ATP13A4: variants seen among roughly 807,000 people sequenced by gnomAD.
The protein encoded by ATP13A4 is probable cation-transporting ATPase 13A4.
A neutral mutation model predicts 142.5 loss-of-function variants in ATP13A4; 114 were observed. That is an observed-to-expected ratio of 0.80 (90% confidence interval 0.69 to 0.93). The LOEUF is 0.93. ATP13A4 is among the 40% of genes least tolerant of loss of function. The pLI, the probability that ATP13A4 is intolerant of heterozygous loss-of-function variation, is 0.00. For missense variants in ATP13A4, 1,392 were observed against 1,454.0 expected (o/e 0.96, Z 0.69); for synonymous variants, 488 against 514.8 (o/e 0.95, Z 0.70).
intron 2 of ATP13A4, among the ~76,000 whole-genome samples, chr3:193,508,570 T>G (rs1034955046): frequency 6.6e-6 from 1 of 152,218 alleles, no homozygotes; most frequent in African/African-American, 2.4e-5. Context: ...GTAATATAAA[T>G]GGCCCTGTAT....
chr3:193,441,688 T>C (rs1404660420), intron 19 of ATP13A4, 100 bp from the exon 20 acceptor site: 2 of 1,428,228 alleles, frequency 1.4e-6, no homozygotes, highest in Non-Finnish European at 2.0e-6. Context: ...GACCAGGATC[T>C]ATCTGTAAAA....
chr3:193,561,031 T>G (rs1401983536), intron 2 of ATP13A4, among the ~76,000 whole-genome samples: 2 of 151,934 alleles, frequency 1.3e-5, no homozygotes, highest in East Asian at 3.9e-4. Flanking sequence ...CAATTCCGAG[T>G]GGGAGCCTGG....
intron 2 of ATP13A4, among the ~76,000 whole-genome samples, chr3:193,569,647 C>G (rs28781318): frequency 6.6e-6 from 1 of 151,912 alleles, no homozygotes; most frequent in Non-Finnish European, 1.5e-5. Context: ...CCCATCTCAG[C>G]CTCCCAAGTA....
At chr3:193,573,292 C>CTTATATATATATATGT (rs1553862256) in intron 2 of ATP13A4, among the ~76,000 whole-genome samples, 1 of 107,888 alleles carries the variant, frequency 9.3e-6, no homozygotes, top group African/African-American at 4.6e-5. Context: ...TATATATACA[C>CTTATATATATATATGT]ATATATATAT....
In ATP13A4 at chr3:193,476,366, C is replaced by A. The variant is rs138568812; in HGVS notation, c.809-5373G>T. On this transcript the variant is annotated intron_variant, in intron 8 of 29. Coordinates refer to ENST00000342695, the MANE Select transcript of ATP13A4 (RefSeq NM_032279.4). ...TCTGTAGTTTTCTTACCTCTCTCAGCCTTCGTAGAATTAAAGAGTTAGGGC... is the reference window on the plus strand; with the variant it reads ...TCTGTAGTTTTCTTACCTCTCTCAGACTTCGTAGAATTAAAGAGTTAGGGC... 1.7e-3 allele frequency among the ~76,000 whole-genome samples: 255 copies of A among 152,148 alleles called. 5 individuals carry two copies. In the South Asian group the frequency reaches 0.019, roughly 11 times the overall value.
At chr3:193,467,543 A>G (rs908153821) in intron 9 of ATP13A4, 57 bp from the exon 10 acceptor site, 22 of 1,539,778 alleles carry the variant, frequency 1.4e-5, no homozygotes, top group Non-Finnish European at 2.0e-5. Flanking sequence ...CATTTAAATC[A>G]TGCCTGCACC....
At position 193,470,984 on chromosome 3, in the gene ATP13A4, T is replaced by G. The variant is rs745845139; in HGVS notation, c.818A>C (p.Gln273Pro). The change falls in exon 9 of 30, where the codon CAA (glutamine) becomes CCA (proline). Residue 273 changes from glutamine (Q) to proline (P), a missense_variant. Physicochemically the swap from Gln to Pro is moderately conservative, Grantham distance 76 (BLOSUM62 -1). Transcript: ENST00000342695. Reference sequence around the variant, plus strand: ...CACCAGGACGCGTGATTCCAGCTCTTGAACTCCAGCTGAAAGTGGGAGGAG... The same window carrying G: ...CACCAGGACGCGTGATTCCAGCTCTGGAACTCCAGCTGAAAGTGGGAGGAG... ...VSVCGRKAGV[Q>P]ELESRVLVPG... The G allele has an allele frequency of 6.2e-7, 1 of 1,614,180 alleles. No individual in the cohort carries two copies. The highest frequency in any genetic ancestry group is 8.5e-7 in the Non-Finnish European group (1 of 1,180,008).
At chr3:193,589,762 CAT>C (rs932681610) in intron 1 of ATP13A4, among the ~76,000 whole-genome samples, 3 of 152,164 alleles carry the variant, frequency 2.0e-5, no homozygotes, top group African/African-American at 7.2e-5. Context: ...CCCTCCCACT[CAT>C]GACCCACTAA....
chr3:193,469,022 C>T (rs888845902), intron 9 of ATP13A4, among the ~76,000 whole-genome samples: 2 of 152,128 alleles, frequency 1.3e-5, no homozygotes, highest in African/African-American at 4.8e-5. Flanking sequence ...AGATGAGAGG[C>T]CTGGACGAGA....
chr3:193,429,327 T>G (rs1715845101), intron 25 of ATP13A4, among the ~76,000 whole-genome samples: 1 of 152,070 alleles, frequency 6.6e-6, no homozygotes, highest in Admixed American at 6.6e-5. Context: ...AAACAGGGAC[T>G]CAAAAAGATA....
intron 14 of ATP13A4, among the ~76,000 whole-genome samples, chr3:193,457,729 C>CA (rs1491433028): frequency 6.6e-6 from 1 of 152,220 alleles, no homozygotes; most frequent in African/African-American, 2.4e-5. Flanking sequence ...TGTAAAGGCT[C>CA]AGTCTCCATT....
At chr3:193,517,586 T>C (rs994313269) in intron 1 of ATP13A4, among the ~76,000 whole-genome samples, 8 of 152,150 alleles carry the variant, frequency 5.3e-5, no homozygotes, top group South Asian at 2.1e-4. Context: ...GTTCACGCCA[T>C]TCTCCTGCCT....
intron 25 of ATP13A4, among the ~76,000 whole-genome samples, chr3:193,424,732 A>G (rs373923061): frequency 2.0e-5 from 3 of 149,790 alleles, no homozygotes; most frequent in Non-Finnish European, 4.4e-5. Flanking sequence ...AAACAAAAAC[A>G]TATGAAAAAT....
In ATP13A4 at chr3:193,459,115, G is replaced by A; in HGVS notation, c.1640C>T (p.Pro547Leu). The change falls in exon 14 of 30, where the codon CCT becomes CTT. Residue 547 changes from proline (P) to leucine (L), a missense_variant. Transcript: ENST00000342695. Reference sequence around the variant, plus strand: ...GGCTTCAAACATTTTGAGGTCCAGAGGGTCTCCCTGGATGGTCCCATCAAG... The same window carrying A: ...GGCTTCAAACATTTTGAGGTCCAGAAGGTCTCCCTGGATGGTCCCATCAAG... Reference protein sequence around the residue: ...ILLDGTIQGDPLDLKMFEATT... With the variant: ...ILLDGTIQGDLLDLKMFEATT... 1 of 1,614,258 alleles carries A rather than the reference G, an allele frequency of 6.2e-7. No individual in the cohort carries two copies. Among genetic ancestry groups the A allele is most frequent in the Non-Finnish European group, 8.5e-7 (1 of 1,180,048 alleles).
chr3:193,527,563 G>A (rs1266667762), intron 1 of ATP13A4, among the ~76,000 whole-genome samples: 1 of 150,682 alleles, frequency 6.6e-6, no homozygotes, highest in Non-Finnish European at 1.5e-5. Flanking sequence ...AGTGAGCTGA[G>A]ATCACGCCAC....
intron 23 of ATP13A4, 137 bp from the exon 24 acceptor site, chr3:193,435,881 C>T (rs958471539): frequency 1.3e-6 from 1 of 786,006 alleles, no homozygotes; most frequent in African/African-American, 1.7e-5. Flanking sequence ...AATGGACAGC[C>T]CTGAGCTCAT....
In ATP13A4 at chr3:193,442,407, T is replaced by A; in HGVS notation, c.2302A>T (p.Met768Leu). ...TTCAGGAGTACCTGATTCCCATACA[T>A]AATGTGTTTCTTCTCTTCTACTAAC... ...WTLVEEKKHIMYGNQDNYINI... is the reference protein window; with the variant it reads ...WTLVEEKKHILYGNQDNYINI... The change falls in exon 19 of 30, where the codon ATG (methionine) becomes TTG (leucine). Residue 768 changes from methionine (M) to leucine (L), a missense_variant. Coordinates refer to ENST00000342695, the MANE Select transcript of ATP13A4 (RefSeq NM_032279.4). 1.9e-6 allele frequency: 3 copies of A among 1,614,018 alleles called. No homozygotes were observed. The highest frequency in any genetic ancestry group is 2.5e-6 in the Non-Finnish European group (3 of 1,179,884).
chr3:193,586,842 T>C (rs1724681161), intron 1 of ATP13A4, among the ~76,000 whole-genome samples: 1 of 152,232 alleles, frequency 6.6e-6, no homozygotes. Flanking sequence ...ATATAAATTT[T>C]AGAATATTTT....
intron 26 of ATP13A4, among the ~76,000 whole-genome samples, chr3:193,413,856 G>A (rs1409484014): frequency 1.3e-5 from 2 of 152,104 alleles, no homozygotes; most frequent in Non-Finnish European, 2.9e-5. Context: ...TTCACCCTTT[G>A]CCTTGTGATC....
Sources: gnomAD v4.1 joint callset for allele counts (sites outside exome capture counted in the v4.1 genomes callset) on GRCh38, gnomAD v4.1.1 for gene constraint, MANE v1.5 for transcripts, NCBI Gene and HGNC (gene_info 2026-07-23, HGNC 2026-07-21) for gene names.